Variants in TSHZ2 observed in about 807,000 individuals in gnomAD.
TSHZ2 encodes the protein teashirt zinc finger homeobox 2.
A neutral mutation model predicts 74.4 loss-of-function variants in TSHZ2; 21 were observed. That is an observed-to-expected ratio of 0.28 (90% CI 0.20 to 0.41). The LOEUF (loss-of-function observed/expected upper bound fraction) is 0.41, where lower values mean the gene tolerates loss of function less well. TSHZ2 is among the 10% of genes least tolerant of loss of function. TSHZ2 has a pLI of 1.00. For synonymous variants in TSHZ2, 540 were observed against 515.3 expected, an observed-to-expected ratio of 1.05 and a Z score of -0.65; for missense variants, 1,244 against 1,293.5, an observed-to-expected ratio of 0.96 and a Z score of 0.59.
chr20:53,413,499 G>A (rs1983126849), intron 2 of TSHZ2, among the ~76,000 whole-genome samples: 2 of 152,126 alleles, frequency 1.3e-5, no homozygotes, highest in African/African-American at 2.4e-5. Flanking sequence ...GTGTGATGTC[G>A]GGGAAGTCGC....
chr20:53,108,355 C>T (rs2123315001), intron 1 of TSHZ2, among the ~76,000 whole-genome samples: 1 of 152,318 alleles, frequency 6.6e-6, no homozygotes, highest in Non-Finnish European at 1.5e-5. Flanking sequence ...AAGTTATGCA[C>T]ATGGAGGCAT....
intron 1 of TSHZ2, among the ~76,000 whole-genome samples, chr20:53,093,977 T>A (rs894518665): frequency 5.2e-4 from 71 of 136,186 alleles, no homozygotes; most frequent in Admixed American, 3.7e-3. Flanking sequence ...TTTACTCCCT[T>A]TTTTGACTTA....
intron 1 of TSHZ2, among the ~76,000 whole-genome samples, chr20:53,022,362 GAC>G (rs1983275482): frequency 6.6e-6 from 1 of 152,164 alleles, no homozygotes; most frequent in Non-Finnish European, 1.5e-5. Flanking sequence ...TCAGCAGGTT[GAC>G]AGTGTCTCTT....
chr20:53,309,556 T>A (rs1223402782), intron 2 of TSHZ2, among the ~76,000 whole-genome samples: 2 of 152,172 alleles, frequency 1.3e-5, no homozygotes, highest in African/African-American at 2.4e-5. Flanking sequence ...GTTTTACAAA[T>A]AAGAAGAAGA....
intron 2 of TSHZ2, among the ~76,000 whole-genome samples, chr20:53,361,868 A>G (rs1301678499): frequency 2.0e-5 from 3 of 151,770 alleles, no homozygotes; most frequent in Non-Finnish European, 4.4e-5. Flanking sequence ...CATCCTTCAC[A>G]TAGTTGGTTT....
intron 1 of TSHZ2, among the ~76,000 whole-genome samples, chr20:53,000,872 G>A (rs1227841906): frequency 6.6e-6 from 1 of 152,140 alleles, no homozygotes; most frequent in African/African-American, 2.4e-5. Context: ...ACTGACACAA[G>A]CTGGGGGATG....
intron 1 of TSHZ2, among the ~76,000 whole-genome samples, chr20:53,240,302 C>T (rs751006105): frequency 6.6e-6 from 1 of 152,106 alleles, no homozygotes; most frequent in Admixed American, 6.6e-5. Flanking sequence ...GATGATTCAG[C>T]GCCCACACAT....
intron 2 of TSHZ2, chr20:53,398,772 T>C (rs1290893621): frequency 2.6e-5 from 4 of 152,124 alleles, no homozygotes; most frequent in Non-Finnish European, 4.4e-5. Context: ...CAAAAAAGTT[T>C]TATCTGTGGA....
At chr20:52,990,216 T>C (rs1312621045) in intron 1 of TSHZ2, among the ~76,000 whole-genome samples, 1 of 152,084 alleles carries the variant, frequency 6.6e-6, no homozygotes, top group Non-Finnish European at 1.5e-5. Flanking sequence ...AAATAAACAT[T>C]ATTGAAACAG....
At chr20:53,410,857 T>C (rs1016738628) in intron 2 of TSHZ2, among the ~76,000 whole-genome samples, 2 of 151,924 alleles carry the variant, frequency 1.3e-5, no homozygotes, top group African/African-American at 4.8e-5. Context: ...TGTATTTTAG[T>C]AGAGATGGTG....
intron 2 of TSHZ2, among the ~76,000 whole-genome samples, chr20:53,378,361 A>G (rs1981737076): frequency 6.7e-6 from 1 of 149,056 alleles, no homozygotes. Context: ...AATAATAATA[A>G]TAATAATAAT....
intron 1 of TSHZ2, among the ~76,000 whole-genome samples, chr20:52,984,725 C>G (rs760251854): frequency 3.6e-4 from 55 of 152,076 alleles, no homozygotes; most frequent in Non-Finnish European, 6.3e-4. Context: ...ACCCAGGTTG[C>G]GAGCAGGCCG....
chr20:53,208,428 G>A (rs1477576174), intron 1 of TSHZ2, among the ~76,000 whole-genome samples: 1 of 152,152 alleles, frequency 6.6e-6, no homozygotes, highest in East Asian at 1.9e-4. Flanking sequence ...TCCTGGATCA[G>A]TTCTTTGTAG....
At chr20:53,144,619 C>T (rs1464291420) in intron 1 of TSHZ2, among the ~76,000 whole-genome samples, 1 of 152,118 alleles carries the variant, frequency 6.6e-6, no homozygotes, top group Non-Finnish European at 1.5e-5. Context: ...TATTATTATT[C>T]CACTGAGAAA....
rs1306685092 is a variant in TSHZ2 at position 53,207,469 on chromosome 20, C to T, written c.41-46030C>T. Reference sequence around the variant, plus strand: ...CAATAAGGCCCCAGAAGCAGGAGGTCAGTAGAGAGGAGATGCCCTCAGCTG... The same window carrying T: ...CAATAAGGCCCCAGAAGCAGGAGGTTAGTAGAGAGGAGATGCCCTCAGCTG... On this transcript the variant is annotated intron_variant, in intron 1 of 2. Transcript: ENST00000371497. 3.9e-5 allele frequency among the ~76,000 whole-genome samples: 6 copies of T among 152,082 alleles called. No homozygotes were observed. The East Asian group carries it at 1.2e-3, about 29-fold the overall frequency.
chr20:53,193,984 T>A (rs868677314), intron 1 of TSHZ2, among the ~76,000 whole-genome samples: 113 of 152,318 alleles, frequency 7.4e-4, no homozygotes, highest in African/African-American at 2.7e-3. Context: ...GAACACAAGT[T>A]GTATTGCTTG....
Position 53,262,771 on chromosome 20 carries a change from C to T in TSHZ2, c.*8+6200C>T, listed in dbSNP as rs574575878. Among the ~76,000 whole-genome samples the T allele has an allele frequency of 8.5e-5, 13 of 152,242 alleles. No individual in the cohort carries two copies. In the South Asian group the frequency reaches 1.0e-3, roughly 12 times the overall value. Reference sequence around the variant, plus strand: ...TTTGGTGTGCAGTTGCTTTCTTTCCCGACTCTCTCCTGGAAGATCAGGAGT... The same window carrying T: ...TTTGGTGTGCAGTTGCTTTCTTTCCTGACTCTCTCCTGGAAGATCAGGAGT... On this transcript the variant is annotated intron_variant, in intron 2 of 2. Coordinates refer to ENST00000371497, the MANE Select transcript of TSHZ2 (RefSeq NM_173485.6).
intron 1 of TSHZ2, among the ~76,000 whole-genome samples, chr20:53,078,851 A>G (rs1389526175): frequency 6.6e-6 from 1 of 152,192 alleles, no homozygotes; most frequent in African/African-American, 2.4e-5. Context: ...TCGTAATTCC[A>G]TTTGGGAACT....
intron 1 of TSHZ2, among the ~76,000 whole-genome samples, chr20:53,218,328 C>T (rs1030171043): frequency 6.6e-6 from 1 of 152,198 alleles, no homozygotes; most frequent in Non-Finnish European, 1.5e-5. Flanking sequence ...CATTGAGATG[C>T]ATTAAGCAAG....
Sources: gnomAD v4.1 joint callset for allele counts (sites outside exome capture counted in the v4.1 genomes callset) on GRCh38, gnomAD v4.1.1 for gene constraint, MANE v1.5 for transcripts, NCBI Gene and HGNC (gene_info 2026-07-23, HGNC 2026-07-21) for gene names.